ABCB1: variants seen among roughly 807,000 people sequenced by gnomAD.
ABCB1 encodes ATP-dependent translocase ABCB1.
In ABCB1, 69 loss-of-function variants were observed where a neutral mutation model predicts 142.0. The observed-to-expected ratio is 0.49, with a 90% confidence interval of 0.40 to 0.59. The LOEUF (loss-of-function observed/expected upper bound fraction) is 0.59, where lower values mean the gene tolerates loss of function less well. Ranked by LOEUF, ABCB1 falls within the 20% of genes least tolerant of loss-of-function variation. ABCB1 has a pLI of 0.00. For missense variants in ABCB1, 1,326 were observed against 1,554.7 expected, an observed-to-expected ratio of 0.85 and a Z score of 2.47; for synonymous variants, 532 against 539.2, an observed-to-expected ratio of 0.99 and a Z score of 0.18.
chr7:87,556,651 G>A (rs921843262), intron 8 of ABCB1, among the ~76,000 whole-genome samples: 10 of 152,138 alleles, frequency 6.6e-5, no homozygotes, highest in Non-Finnish European at 1.3e-4. Context: ...CTCTGGCCTG[G>A]ACCATTCTGC....
chr7:87,585,437 A>C, intron 4 of ABCB1, 75 bp downstream of exon 4: 1 of 1,471,190 alleles, frequency 6.8e-7, no homozygotes, highest in Non-Finnish European at 9.4e-7. Flanking sequence ...TTTAGTAAAG[A>C]ATCCATAAAC....
chr7:87,515,506 C>G (rs983446363), intron 24 of ABCB1, 78 bp from the exon 25 acceptor site: 11 of 1,293,074 alleles, frequency 8.5e-6, no homozygotes, highest in Non-Finnish European at 1.2e-5. Context: ...TCTCGATTAC[C>G]AGGTGTCAGA....
intron 2 of ABCB1, among the ~76,000 whole-genome samples, chr7:87,596,103 T>C (rs1294320307): frequency 3.3e-5 from 5 of 152,086 alleles, no homozygotes; most frequent in Non-Finnish European, 5.9e-5. Flanking sequence ...GATGAATACA[T>C]ACATACACCC....
chr7:87,506,897 A>G (rs925964289), intron 26 of ABCB1, among the ~76,000 whole-genome samples: 1 of 152,204 alleles, frequency 6.6e-6, no homozygotes, highest in Admixed American at 6.5e-5. Context: ...AAGACGCCAG[A>G]TGAGGTTTTG....
At chr7:87,705,785 CAT>C (rs1829530321) in intron 1 of ABCB1, among the ~76,000 whole-genome samples, 1 of 152,066 alleles carries the variant, frequency 6.6e-6, no homozygotes, top group Non-Finnish European at 1.5e-5. Context: ...CTCTTATAAA[CAT>C]ATTATATGAT....
chr7:87,503,607 T>G lies in ABCB1; in HGVS notation c.*636A>C. 6.4e-6 allele frequency: 1 copy of G among 155,704 alleles called. No homozygotes were observed. Among genetic ancestry groups the G allele is most frequent in the Non-Finnish European group, 1.4e-5 (1 of 70,082 alleles). The allele number at this position is 155,704 out of a possible 1,614,324, so 9.6% of individuals were successfully genotyped here. On this transcript the variant is annotated 3_prime_UTR_variant, in exon 28 of 28. Coordinates refer to ENST00000622132, the MANE Select transcript of ABCB1 (RefSeq NM_001348946.2). ...CCTCCTAAAATCTTATATCGATCTG[T>G]GTTTTGGGTTTGAGAGCCACCTTAA...
chr7:87,539,666 A>G (rs558879262), intron 18 of ABCB1, among the ~76,000 whole-genome samples: 1 of 152,210 alleles, frequency 6.6e-6, no homozygotes, highest in African/African-American at 2.4e-5. Context: ...TGAGCTTTTA[A>G]TTACCCACTG....
intron 21 of ABCB1, among the ~76,000 whole-genome samples, chr7:87,523,253 C>T (rs942125777): frequency 1.3e-5 from 2 of 152,162 alleles, no homozygotes; most frequent in Non-Finnish European, 1.5e-5. Flanking sequence ...GCTAAGACTA[C>T]AAGCACATGG....
chr7:87,579,856 A>G (rs535802708), intron 4 of ABCB1, among the ~76,000 whole-genome samples: 16 of 152,250 alleles, frequency 1.1e-4, no homozygotes, highest in African/African-American at 3.4e-4. Flanking sequence ...TGTGCAAATG[A>G]TATCATATAA....
intron 9 of ABCB1, among the ~76,000 whole-genome samples, chr7:87,552,343 CAGTT>C (rs1817109388): frequency 2.0e-5 from 3 of 152,246 alleles, no homozygotes; most frequent in East Asian, 1.9e-4. Context: ...TTCATTATCT[CAGTT>C]AGTCCTCAAA....
chr7:87,659,479 T>G (rs1231140873), intron 1 of ABCB1, among the ~76,000 whole-genome samples: 22 of 152,188 alleles, frequency 1.4e-4, no homozygotes, highest in Non-Finnish European at 1.9e-4. Context: ...TTTATGTCCC[T>G]TTATTCTACC....
At chr7:87,604,988 A>G (rs1207352714), upstream of ABCB1, among the ~76,000 whole-genome samples, 2 of 152,248 alleles carry the variant, frequency 1.3e-5, no homozygotes, top group African/African-American at 2.4e-5. Flanking sequence ...TATACAAAAT[A>G]AAGTTTCAAT....
chr7:87,627,832 G>A (rs1038816312), intron 1 of ABCB1: 1 of 152,400 alleles, frequency 6.6e-6, no homozygotes, highest in South Asian at 2.1e-4. Flanking sequence ...GTCAGTCCCG[G>A]GTGCGGGCTG....
intron 1 of ABCB1, among the ~76,000 whole-genome samples, chr7:87,621,165 C>T (rs997580926): frequency 3.9e-5 from 6 of 151,968 alleles, no homozygotes; most frequent in Admixed American, 2.6e-4. Flanking sequence ...ATGATTCTTA[C>T]GTTTCTATGG....
intron 1 of ABCB1, chr7:87,628,535 G>A: frequency 3.5e-6 from 1 of 287,210 alleles, no homozygotes; most frequent in Non-Finnish European, 6.4e-6. Context: ...ACCCGCAGGC[G>A]CAGCCCGGCA....
At chr7:87,634,522 G>A (rs1025055176) in intron 1 of ABCB1, among the ~76,000 whole-genome samples, 6 of 151,340 alleles carry the variant, frequency 4.0e-5, no homozygotes, top group South Asian at 2.1e-4. Context: ...TAATTCCAGC[G>A]GGAGGCTGAG....
Position 87,618,674 on chromosome 7 carries a change from C to T in ABCB1, c.-330-17596G>A, listed in dbSNP as rs28381773. Among the ~76,000 whole-genome samples the T allele has an allele frequency of 3.0e-3, 456 of 152,262 alleles. 2 individuals carry two copies. The highest frequency in any genetic ancestry group is 0.011 in the African/African-American group (440 of 41,554). ...CCTGTGATTACATTACTTTGCAAAG[C>T]AAAGGGATCTTGCAGATGTAATTAA... On this transcript the variant is annotated intron_variant, in intron 1 of 28. Coordinates refer to the ABCB1 transcript ENST00000265724.
At chr7:87,651,454 C>A (rs1442407945) in intron 1 of ABCB1, among the ~76,000 whole-genome samples, 5 of 152,010 alleles carry the variant, frequency 3.3e-5, no homozygotes, top group African/African-American at 9.7e-5. Flanking sequence ...GGAAGCTATA[C>A]TCTCTGAATT....
intron 26 of ABCB1, chr7:87,506,277 G>A (rs1814739888): frequency 2.0e-6 from 1 of 512,212 alleles, no homozygotes; most frequent in South Asian, 2.6e-5. Flanking sequence ...GTGTAAACAG[G>A]TCAGCATTTT....
Sources: gnomAD v4.1 joint callset for allele counts (sites outside exome capture counted in the v4.1 genomes callset) on GRCh38, gnomAD v4.1.1 for gene constraint, MANE v1.5 for transcripts, NCBI Gene and HGNC (gene_info 2026-07-23, HGNC 2026-07-21) for gene names.